RAD51D: variants seen among roughly 807,000 people sequenced by gnomAD.
The protein encoded by RAD51D is RAD51 paralog D.
A neutral mutation model predicts 44.1 loss-of-function variants in RAD51D; 38 were observed. The observed-to-expected ratio is 0.86, with a 90% CI of 0.67 to 1.13. The LOEUF is 1.13. Among genes scored for constraint, RAD51D ranks in the 50% most tolerant of loss-of-function variants. The probability of loss-of-function intolerance (pLI) is 0.00; values close to 1 mark genes in which losing one functional copy is unlikely to be tolerated. For synonymous variants in RAD51D, 141 were observed against 166.6 expected (o/e 0.85, Z 1.18); for missense variants, 390 against 414.0 (o/e 0.94, Z 0.50).
intron 3 of RAD51D, chr17:35,116,808 A>T: frequency 7.2e-7 from 1 of 1,382,146 alleles, no homozygotes; most frequent in Non-Finnish European, 1.0e-6. Flanking sequence ...ATGATGATTT[A>T]AACAGTAACA....
intron 3 of RAD51D, among the ~76,000 whole-genome samples, chr17:35,115,955 AG>A (rs59435659): frequency 0.11 from 8,109 of 76,924 alleles, 317 homozygotes; most frequent in Middle Eastern, 0.17. Context: ...AAAGGAAGAA[AG>A]GAAAGAAAGA....
chr17:35,115,219 C>G, intron 3 of RAD51D: 2 of 510,872 alleles, frequency 3.9e-6, no homozygotes. Flanking sequence ...CTCTGCCTTT[C>G]CCTCTGAACT....
intron 8 of RAD51D, among the ~76,000 whole-genome samples, chr17:35,102,633 G>GA (rs533728225): frequency 0.39 from 56,284 of 144,362 alleles, 10,750 homozygotes; most frequent in East Asian, 0.56. Context: ...TATCTCAAAA[G>GA]AAAAAAAAAA....
rs1025745775 is a variant in RAD51D, at chr17:35,102,432, C to T, written c.738+822G>A. On this transcript the variant is annotated intron_variant, in intron 8 of 9. Coordinates refer to ENST00000345365, the MANE Select transcript of RAD51D (RefSeq NM_002878.4). ...CTGGGATTACACGCATAAACCAGCG[C>T]ACCTGGCCTATTTTTTTTTATTTTT... Among the ~76,000 whole-genome samples, 5 of 124,436 alleles carry T rather than the reference C, an allele frequency of 4.0e-5. No homozygotes were observed. The Admixed American group carries it at 4.1e-4, about 10-fold the overall frequency. The allele number at this position is 124,436 out of a possible 152,430, so 81.6% of individuals were successfully genotyped here.
Position 35,099,953 on chromosome 17 carries a change from T to TAATTATATTGCA in RAD51D, c.*988_*999dup. ...GGTACAGCTGGCAGGAAGAGAGGTG[T>TAATTATATTGCA]AATTATATTGCATCTTGGAGCCACC... is the stretch of plus-strand genomic sequence containing the variant. On this transcript the variant is annotated 3_prime_UTR_variant, in exon 10 of 10. Transcript: ENST00000345365. The TAATTATATTGCA allele has an allele frequency of 1.9e-6, 1 of 526,834 alleles. No individual in the cohort carries two copies. Among genetic ancestry groups the TAATTATATTGCA allele is most frequent in the Non-Finnish European group, 3.7e-6 (1 of 271,656 alleles). The allele number at this position is 526,834 out of a possible 1,614,324, so 32.6% of individuals were successfully genotyped here. A position where few individuals can be genotyped will look rare whatever the true frequency, so the allele number is the denominator to read the frequency against.
At chr17:35,116,590 G>T (rs923437088) in intron 3 of RAD51D, among the ~76,000 whole-genome samples, 3 of 152,084 alleles carry the variant, frequency 2.0e-5, no homozygotes, top group African/African-American at 7.2e-5. Flanking sequence ...CGCTTCCCGG[G>T]TTCATGCTAT....
chr17:35,118,824 C>T (rs2091782595), intron 2 of RAD51D, among the ~76,000 whole-genome samples: 1 of 152,202 alleles, frequency 6.6e-6, no homozygotes, highest in Non-Finnish European at 1.5e-5. Flanking sequence ...CTCACTGCAA[C>T]CTCTGCCTCC....
Position 35,101,430 on chromosome 17 carries a change from C to A in RAD51D, c.739-65G>T, listed in dbSNP as rs534602114. On this transcript the variant is annotated intron_variant, in intron 8 of 9. Transcript: ENST00000345365. ...TAGAGGACATCGATTACTACCGCTT[C>A]ATTTTACGGAGAGGAAAACAGAGGC... is the stretch of plus-strand genomic sequence containing the variant. 32 of 1,540,912 alleles carry A rather than the reference C, an allele frequency of 2.1e-5. No homozygotes were observed. The East Asian group carries it at 6.3e-4, about 30-fold the overall frequency.
rs987932108 is a variant in RAD51D, at chr17:35,093,281, A to C, written c.*7672T>G. ...CTAAGGCTTAAAGAGACTGTTATTC[A>C]TCCATTGTTATATGGCAAGTAAATG... On this transcript the variant is annotated 3_prime_UTR_variant, in exon 10 of 10. Transcript: ENST00000345365. 1.3e-5 allele frequency: 2 copies of C among 152,250 alleles called. No individual in the cohort carries two copies. The highest frequency in any genetic ancestry group is 4.8e-5 in the African/African-American group (2 of 41,468). The allele number at this position is 152,250 out of a possible 1,614,324, so 9.4% of individuals were successfully genotyped here.
At chr17:35,102,451 TA>T (rs1312961829) in intron 8 of RAD51D, among the ~76,000 whole-genome samples, 3 of 147,404 alleles carry the variant, frequency 2.0e-5, no homozygotes, top group East Asian at 4.1e-4. Flanking sequence ...TATTTTTTTT[TA>T]TTTTTTCATG....
intron 8 of RAD51D, 133 bp from the exon 9 acceptor site, chr17:35,101,498 G>A: frequency 1.0e-6 from 1 of 980,352 alleles, no homozygotes; most frequent in Non-Finnish European, 1.6e-6. Context: ...AAAACCTAAT[G>A]GCAGGTCTGG....
chr17:35,112,670 G>A (rs757592201), intron 3 of RAD51D, among the ~76,000 whole-genome samples: 26 of 152,206 alleles, frequency 1.7e-4, no homozygotes, highest in Admixed American at 6.5e-5. Context: ...GAGCCACTGC[G>A]GCCGGCCAAT....
At chr17:35,118,468 C>T (rs1430525481) in intron 3 of RAD51D, 33 bp downstream of exon 3, 1 of 1,580,744 alleles carries the variant, frequency 6.3e-7, no homozygotes, top group Non-Finnish European at 8.7e-7. Context: ...ATCCTCCTGC[C>T]TCTCTCCTTC....
At position 35,099,926 on chromosome 17, in the gene RAD51D, G is replaced by T; in HGVS notation, c.*1027C>A. ...TATTTCATACACTAGGGCACTAGCT[G>T]TGGTACAGCTGGCAGGAAGAGAGGT... On this transcript the variant is annotated 3_prime_UTR_variant, in exon 10 of 10. Coordinates refer to ENST00000345365, the MANE Select transcript of RAD51D (RefSeq NM_002878.4). 1 of 523,796 alleles carries T rather than the reference G, an allele frequency of 1.9e-6. No individual in the cohort carries two copies. The allele number at this position is 523,796 out of a possible 1,614,324, so 32.4% of individuals were successfully genotyped here. A position where few individuals can be genotyped will look rare whatever the true frequency, so the allele number is the denominator to read the frequency against.
intron 3 of RAD51D, among the ~76,000 whole-genome samples, chr17:35,108,884 T>G (rs1448533568): frequency 5.2e-5 from 6 of 116,134 alleles, no homozygotes; most frequent in Non-Finnish European, 1.0e-4. Flanking sequence ...TTTTTTTTTT[T>G]GAGACGGAGT....
In RAD51D at chr17:35,107,481, G is replaced by A. The variant is rs28363272; in HGVS notation, c.264-34C>T. ...AGAAGAGAAGAAAATCAACACAAGA[G>A]GTTAGGAGGAAGACAGGGGAAAAGG... is the stretch of plus-strand genomic sequence containing the variant. On this transcript the variant is annotated intron_variant, in intron 3 of 9. Coordinates refer to ENST00000345365, the MANE Select transcript of RAD51D (RefSeq NM_002878.4). The A allele has an allele frequency of 1.8e-5, 26 of 1,474,258 alleles. No individual in the cohort carries two copies. In the African/African-American group the frequency reaches 2.8e-4, roughly 16 times the overall value. The allele number at this position is 1,474,258 out of a possible 1,614,324, so 91.3% of individuals were successfully genotyped here.
intron 3 of RAD51D, among the ~76,000 whole-genome samples, chr17:35,108,812 G>A (rs941842109): frequency 6.6e-6 from 1 of 151,070 alleles, no homozygotes; most frequent in Non-Finnish European, 1.5e-5. Context: ...CAAGAACAAA[G>A]TTATGTACAT....
In RAD51D at chr17:35,101,359, T is replaced by C. The variant is rs730881949; in HGVS notation, c.745A>G (p.Asn249Asp). The C allele has an allele frequency of 6.2e-6, 10 of 1,613,624 alleles. No individual in the cohort carries two copies. Among genetic ancestry groups the C allele is most frequent in the African/African-American group, 2.7e-5 (2 of 74,916 alleles). ...CTGTCCCTGTCTCGAGTTATGTGGTTGGTCACCTGCAGCAGAAACAGACTT... is the reference window on the plus strand; with the variant it reads ...CTGTCCCTGTCTCGAGTTATGTGGTCGGTCACCTGCAGCAGAAACAGACTT... ...RDLGMAVVVT[N>D]HITRDRDSGR... is the part of the protein sequence containing the mutation. The change falls in exon 9 of 10, where the codon AAC becomes GAC. Residue 249 changes from asparagine to aspartate, a missense_variant. Transcript: ENST00000345365.
rs1454380480 is a variant in RAD51D, at chr17:35,100,267, C to T, written c.*686G>A. 4.3e-5 allele frequency: 23 copies of T among 533,550 alleles called. No individual in the cohort carries two copies. The highest frequency in any genetic ancestry group is 8.3e-5 in the Non-Finnish European group (23 of 275,904). The allele number at this position is 533,550 out of a possible 1,614,324, so 33.1% of individuals were successfully genotyped here. On this transcript the variant is annotated 3_prime_UTR_variant, in exon 10 of 10. Coordinates refer to ENST00000345365, the MANE Select transcript of RAD51D (RefSeq NM_002878.4). ...ACGTTCTCACCTAGTCATGGTGATG[C>T]AGGCAGGTCTGAAACCAAATCAGCA... is the stretch of plus-strand genomic sequence containing the variant.
Sources: allele counts gnomAD v4.1 joint callset (sites outside exome capture counted in the v4.1 genomes callset), GRCh38; gene constraint gnomAD v4.1.1; transcripts MANE v1.5; gene names NCBI Gene and HGNC (gene_info 2026-07-23, HGNC 2026-07-21).